Variants in CACNA2D1 observed in about 807,000 individuals in gnomAD.
The protein encoded by CACNA2D1 is calcium voltage-gated channel auxiliary subunit alpha2delta 1, also known as voltage-dependent calcium channel subunit alpha-2/delta-1.
CACNA2D1 carries 53 observed loss-of-function variants against 171.5 expected under a neutral mutation model. That is an observed-to-expected ratio of 0.31 (90% CI 0.25 to 0.39). The LOEUF (loss-of-function observed/expected upper bound fraction) is 0.39, where lower values mean the gene tolerates loss of function less well. CACNA2D1 is among the 10% of genes least tolerant of loss of function. The pLI, the probability that CACNA2D1 is intolerant of heterozygous loss-of-function variation, is 1.00. For missense variants in CACNA2D1, 903 were observed against 1,299.8 expected, an observed-to-expected ratio of 0.69 and a Z score of 4.69; for synonymous variants, 442 against 443.1, an observed-to-expected ratio of 1.00 and a Z score of 0.03.
intron 3 of CACNA2D1, among the ~76,000 whole-genome samples, chr7:82,332,632 ATGAGTAT>A (rs1817515701): frequency 1.3e-5 from 2 of 152,216 alleles, no homozygotes; most frequent in African/African-American, 4.8e-5. Context: ...AACCTGAACA[ATGAGTAT>A]TAAGCAAACA....
At chr7:82,051,760 C>A (rs896700501) in intron 10 of CACNA2D1, among the ~76,000 whole-genome samples, 10 of 152,322 alleles carry the variant, frequency 6.6e-5, no homozygotes, top group South Asian at 6.2e-4. Context: ...ATTCAAATCC[C>A]TGTGTCAACA....
intron 2 of CACNA2D1, among the ~76,000 whole-genome samples, chr7:82,338,871 G>A (rs532394890): frequency 2.0e-5 from 3 of 152,134 alleles, no homozygotes; most frequent in Admixed American, 1.3e-4. Flanking sequence ...GATAGGCTCC[G>A]TGCAGGATCA....
intron 3 of CACNA2D1, among the ~76,000 whole-genome samples, chr7:82,291,339 T>A (rs1240192551): frequency 7.2e-6 from 1 of 137,946 alleles, no homozygotes; most frequent in Non-Finnish European, 1.5e-5. Flanking sequence ...TATATAGATA[T>A]CTTTATACAT....
At chr7:82,008,307 C>T (rs1008566907) in intron 15 of CACNA2D1, among the ~76,000 whole-genome samples, 11 of 152,070 alleles carry the variant, frequency 7.2e-5, no homozygotes, top group African/African-American at 2.7e-4. Flanking sequence ...AAATGTTACG[C>T]TCTTCAGAAG....
chr7:81,962,719 G>A (rs1056528061), intron 34 of CACNA2D1, among the ~76,000 whole-genome samples: 3 of 151,906 alleles, frequency 2.0e-5, no homozygotes, highest in Non-Finnish European at 4.4e-5. Flanking sequence ...AGGATCAAGT[G>A]GGACACAATG....
At position 82,137,010 on chromosome 7, in the gene CACNA2D1, C is replaced by G. The variant is rs573340298; in HGVS notation, c.355-334G>C. ...TTAATACACAATGAACAGGATAATT[C>G]AAGAAGCATGTAAGATACGTGTCTT... is the stretch of plus-strand genomic sequence containing the variant. On this transcript the variant is annotated intron_variant, in intron 4 of 38. Coordinates refer to ENST00000356860, the MANE Select transcript of CACNA2D1 (RefSeq NM_000722.4). Among the ~76,000 whole-genome samples, 15 of 152,214 alleles carry G rather than the reference C, an allele frequency of 9.9e-5. No individual in the cohort carries two copies. In the East Asian group the frequency reaches 2.9e-3, roughly 29 times the overall value.
At chr7:82,064,394 A>T in intron 8 of CACNA2D1, 40 bp from the exon 9 acceptor site, 1 of 1,429,170 alleles carries the variant, frequency 7.0e-7, no homozygotes, top group Non-Finnish European at 9.9e-7. Flanking sequence ...CTCTTCCAAA[A>T]TATCAAACAC....
intron 3 of CACNA2D1, among the ~76,000 whole-genome samples, chr7:82,322,146 A>C (rs866469483): frequency 7.4e-5 from 11 of 149,640 alleles, no homozygotes; most frequent in African/African-American, 2.7e-4. Flanking sequence ...AAAAAAAAAA[A>C]AAAAAAAACA....
intron 3 of CACNA2D1, among the ~76,000 whole-genome samples, chr7:82,251,744 A>G (rs1410426684): frequency 6.6e-6 from 1 of 152,156 alleles, no homozygotes; most frequent in Non-Finnish European, 1.5e-5. Flanking sequence ...CATACATTAG[A>G]TTCATTAGAA....
chr7:82,335,565 G>C (rs1420782328), intron 2 of CACNA2D1, among the ~76,000 whole-genome samples: 10 of 152,146 alleles, frequency 6.6e-5, no homozygotes, highest in Non-Finnish European at 1.3e-4. Context: ...TCTGTCATCA[G>C]CATCGTAAGA....
intron 3 of CACNA2D1, among the ~76,000 whole-genome samples, chr7:82,222,940 G>A (rs1299365100): frequency 7.3e-6 from 1 of 136,574 alleles, no homozygotes; most frequent in African/African-American, 2.7e-5. Context: ...TTGAGATGTA[G>A]TTTCACTCTA....
At chr7:82,421,616 G>A (rs962289695) in intron 1 of CACNA2D1, among the ~76,000 whole-genome samples, 2 of 151,966 alleles carry the variant, frequency 1.3e-5, no homozygotes, top group East Asian at 1.9e-4. Flanking sequence ...AGAAGGGCAG[G>A]GAAAGAGAGG....
intron 3 of CACNA2D1, among the ~76,000 whole-genome samples, chr7:82,197,842 T>G (rs1799006511): frequency 1.3e-5 from 2 of 151,834 alleles, no homozygotes; most frequent in Admixed American, 1.3e-4. Flanking sequence ...TGTGTTTTAA[T>G]TATATCTTAT....
chr7:82,438,455 CATA>C (rs1418641677), intron 1 of CACNA2D1, among the ~76,000 whole-genome samples: 1 of 152,088 alleles, frequency 6.6e-6, no homozygotes, highest in Non-Finnish European at 1.5e-5. Flanking sequence ...AAGGTAGTAA[CATA>C]GTATTTTTTC....
In CACNA2D1 at chr7:82,438,823, A is replaced by G. The variant is rs1830289552; in HGVS notation, c.95+4542T>C. On this transcript the variant is annotated intron_variant, in intron 1 of 38. Coordinates refer to ENST00000356860, the MANE Select transcript of CACNA2D1 (RefSeq NM_000722.4). ...TGGAAAGCAGCTGACCTGCTTTTTG[A>G]AACACTACCACAGACAGCTCTTTTA... Among the ~76,000 whole-genome samples, 3 of 152,216 alleles carry G rather than the reference A, an allele frequency of 2.0e-5. No individual in the cohort carries two copies. In the South Asian group the frequency reaches 6.2e-4, roughly 31 times the overall value.
intron 3 of CACNA2D1, among the ~76,000 whole-genome samples, chr7:82,252,673 T>C (rs940499174): frequency 6.6e-6 from 1 of 152,068 alleles, no homozygotes; most frequent in Non-Finnish European, 1.5e-5. Context: ...GGGCAGATCA[T>C]GAGGTCAAGA....
intron 10 of CACNA2D1, among the ~76,000 whole-genome samples, chr7:82,043,928 C>T (rs1804245734): frequency 6.6e-6 from 1 of 152,154 alleles, no homozygotes; most frequent in African/African-American, 2.4e-5. Flanking sequence ...AGTAGTTCTG[C>T]ACTGGAAACA....
At chr7:82,000,759 T>C (rs1798507602) in intron 18 of CACNA2D1, among the ~76,000 whole-genome samples, 2 of 133,704 alleles carry the variant, frequency 1.5e-5, no homozygotes, top group African/African-American at 5.4e-5. Context: ...CATGCCTAAC[T>C]AATTTTTCTT....
intron 10 of CACNA2D1, among the ~76,000 whole-genome samples, chr7:82,059,070 CCCTTGGTGAGTAAATCAATTTCAGA>C (rs983373536): frequency 1.2e-4 from 19 of 152,232 alleles, no homozygotes; most frequent in African/African-American, 4.6e-4. Flanking sequence ...TTTCTAGTCT[CCCTTGGTGAGTAAATCAATTTCAGA>C]CCAGCTACTT....
Sources: gnomAD v4.1 joint callset for allele counts (sites outside exome capture counted in the v4.1 genomes callset) on GRCh38, gnomAD v4.1.1 for gene constraint, MANE v1.5 for transcripts, NCBI Gene and HGNC (gene_info 2026-07-23, HGNC 2026-07-21) for gene names.